Variants in YME1L1 observed in about 807,000 individuals in gnomAD.
YME1L1 encodes the protein YME1 like 1 ATPase, also known as ATP-dependent zinc metalloprotease YME1L1.
A neutral mutation model predicts 90.4 loss-of-function variants in YME1L1; 39 were observed. The ratio of observed to expected loss-of-function variants is 0.43; its 90% confidence interval spans 0.33 to 0.56. YME1L1 has a LOEUF of 0.56. YME1L1 is among the 20% of genes least tolerant of loss of function. YME1L1 has a pLI of 0.03. For synonymous variants in YME1L1, 284 were observed against 287.3 expected, an observed-to-expected ratio of 0.99 and a Z score of 0.12; for missense variants, 617 against 868.4, an observed-to-expected ratio of 0.71 and a Z score of 3.64.
intron 4 of YME1L1, among the ~76,000 whole-genome samples, chr10:27,138,410 T>C (rs2057051553): frequency 6.6e-6 from 1 of 152,182 alleles, no homozygotes; most frequent in Admixed American, 6.5e-5. Flanking sequence ...AATTTGGGTG[T>C]AAATTGATAC....
intron 1 of YME1L1, chr10:27,153,244 C>A (rs1409220092): frequency 4.3e-6 from 2 of 470,556 alleles, no homozygotes; most frequent in South Asian, 1.5e-5. Flanking sequence ...ATAACTGATG[C>A]CCAATAACAA....
intron 1 of YME1L1, among the ~76,000 whole-genome samples, chr10:27,151,182 A>T (rs1372368747): frequency 1.3e-5 from 2 of 152,032 alleles, no homozygotes; most frequent in Non-Finnish European, 2.9e-5. Context: ...TCTGCCTCCC[A>T]AAGTGCTGGG....
rs2057288171 is a variant in YME1L1 at position 27,154,381 on chromosome 10, A to G, written c.-171T>C. 5.3e-6 allele frequency: 4 copies of G among 755,124 alleles called. No homozygotes were observed. Among genetic ancestry groups the G allele is most frequent in the Non-Finnish European group, 6.4e-6 (3 of 470,926 alleles). 46.8% of individuals were successfully genotyped at this position (755,124 alleles called of 1,614,324 possible). On this transcript the variant is annotated 5_prime_UTR_variant, in exon 1 of 19. Transcript: ENST00000376016. Reference sequence around the variant, plus strand: ...CCCTTCCTACAGCTACTGCAACGACAGACAATCCGCCCCGGAAGGCGAGGC... The same window carrying G: ...CCCTTCCTACAGCTACTGCAACGACGGACAATCCGCCCCGGAAGGCGAGGC...
rs1043167621 is a variant in YME1L1 at position 27,115,962 on chromosome 10, G to A, written c.1920+98C>T. 10 of 1,108,554 alleles carry A rather than the reference G, an allele frequency of 9.0e-6. No homozygotes were observed. In the Admixed American group the frequency reaches 1.9e-4, roughly 21 times the overall value. 68.7% of individuals were successfully genotyped at this position (1,108,554 alleles called of 1,614,324 possible). Reference sequence around the variant, plus strand: ...AGCCTCAAATCCATTTGGAGTGAGAGAAAAAGTGAATATTACCAATTTATA... The same window carrying A: ...AGCCTCAAATCCATTTGGAGTGAGAAAAAAAGTGAATATTACCAATTTATA... On this transcript the variant is annotated intron_variant, in intron 17 of 18. Coordinates refer to ENST00000376016, the MANE Select transcript of YME1L1 (RefSeq NM_014263.4).
rs200189706 is a variant in YME1L1 at position 27,122,584 on chromosome 10, G to C, written c.1235+257C>G. ...CATAAGTGTAACAATAAATGAGAAAGGATATAAATACCATAAATTAAATAA... is the reference window on the plus strand; with the variant it reads ...CATAAGTGTAACAATAAATGAGAAACGATATAAATACCATAAATTAAATAA... On this transcript the variant is annotated intron_variant, in intron 11 of 18. Transcript: ENST00000376016. 2.0e-5 allele frequency among the ~76,000 whole-genome samples: 3 copies of C among 152,092 alleles called. No homozygotes were observed. The East Asian group carries it at 5.8e-4, about 29-fold the overall frequency.
At chr10:27,118,370 T>C (rs966176940) in intron 14 of YME1L1, among the ~76,000 whole-genome samples, 5 of 150,788 alleles carry the variant, frequency 3.3e-5, no homozygotes, top group African/African-American at 1.2e-4. Flanking sequence ...TAGCTTTAAC[T>C]TCTTGGACTT....
In YME1L1 at chr10:27,148,925, T is replaced by A. The variant is rs1358525051; in HGVS notation, c.149A>T (p.His50Leu). ...ACTTACCTCACTGCTGGGAGCCTCA[T>A]GCTCAGGAACTACATCTCGATGCTG... ...QNQHRDVVPE[H>L]EAPSSEPSLN... Residue 50 changes from histidine to leucine, a missense_variant, in exon 2 of 19, where the codon CAT (histidine) becomes CTT (leucine). By Grantham distance (99) the His-to-Leu change is moderately conservative. This residue lies in a region of YME1L1 where 311 missense variants were observed against 335.8 expected (regional missense o/e 0.93). Transcript: ENST00000376016. The A allele has an allele frequency of 6.2e-7, 1 of 1,613,970 alleles. No individual in the cohort carries two copies. The highest frequency in any genetic ancestry group is 1.1e-5 in the South Asian group (1 of 91,040).
chr10:27,134,740 G>A, intron 6 of YME1L1, 91 bp downstream of exon 6: 1 of 1,301,226 alleles, frequency 7.7e-7, no homozygotes, highest in Non-Finnish European at 1.1e-6. Context: ...TCAATAGATG[G>A]TCTTAGAAAA....
intron 1 of YME1L1, chr10:27,153,079 T>C (rs2057245586): frequency 2.4e-6 from 1 of 420,416 alleles, no homozygotes; most frequent in Non-Finnish European, 4.8e-6. Context: ...TTTTTGTTCC[T>C]TCAACCTGCT....
In YME1L1 at chr10:27,111,054, A is replaced by T. The variant is rs2056754418; in HGVS notation, c.*923T>A. On this transcript the variant is annotated 3_prime_UTR_variant, in exon 19 of 19. Transcript: ENST00000376016. ...CCTGGCTATTTTTTTTTGTATTTAAATTTATTTTAATTTTTTTTTGAGGCA... is the reference window on the plus strand; with the variant it reads ...CCTGGCTATTTTTTTTTGTATTTAATTTTATTTTAATTTTTTTTTGAGGCA... 1 of 150,850 alleles carries T rather than the reference A, an allele frequency of 6.6e-6. No homozygotes were observed. Among genetic ancestry groups the T allele is most frequent in the Admixed American group, 6.6e-5 (1 of 15,104 alleles). The allele number at this position is 150,850 out of a possible 1,614,324, so 9.3% of individuals were successfully genotyped here.
intron 4 of YME1L1, 93 bp from the exon 5 acceptor site, chr10:27,136,478 T>C (rs749209994): frequency 1.7e-5 from 17 of 973,962 alleles, no homozygotes; most frequent in Non-Finnish European, 2.5e-5. Context: ...TACCTGTATA[T>C]CCTAGTCTAT....
chr10:27,154,327 C>G lies in YME1L1; in HGVS notation c.-117G>C. The G allele has an allele frequency of 7.1e-6, 9 of 1,269,852 alleles. No individual in the cohort carries two copies. In the South Asian group the frequency reaches 1.2e-4, roughly 18 times the overall value. The allele number at this position is 1,269,852 out of a possible 1,614,324, so 78.7% of individuals were successfully genotyped here. A position where few individuals can be genotyped will look rare whatever the true frequency, so the allele number is the denominator to read the frequency against. On this transcript the variant is annotated 5_prime_UTR_variant, in exon 1 of 19. Coordinates refer to ENST00000376016, the MANE Select transcript of YME1L1 (RefSeq NM_014263.4). Reference sequence around the variant, plus strand: ...CCTTTTTCTCCGACCCGTTGCCCCTCACTCCTCCCAGAAACGGAAAATGGC... The same window carrying G: ...CCTTTTTCTCCGACCCGTTGCCCCTGACTCCTCCCAGAAACGGAAAATGGC...
In YME1L1 at chr10:27,147,605, C is replaced by T. The variant is rs374585767; in HGVS notation, c.168+1301G>A. On this transcript the variant is annotated intron_variant, in intron 2 of 18. Coordinates refer to ENST00000376016, the MANE Select transcript of YME1L1 (RefSeq NM_014263.4). ...TCCATGAACATGGATCTGTACCCTTCGAATATTTTTCCTTTGCCAATTGAA... is the reference window on the plus strand; with the variant it reads ...TCCATGAACATGGATCTGTACCCTTTGAATATTTTTCCTTTGCCAATTGAA... 1.9e-6 allele frequency: 3 copies of T among 1,566,152 alleles called. No individual in the cohort carries two copies. The highest frequency in any genetic ancestry group is 4.8e-5 in the East Asian group (2 of 41,916).
intron 13 of YME1L1, among the ~76,000 whole-genome samples, chr10:27,120,226 C>T (rs976917751): frequency 6.6e-6 from 1 of 151,828 alleles, no homozygotes; most frequent in Non-Finnish European, 1.5e-5. Context: ...TCTAAAAAAA[C>T]CTTTCTTTAG....
chr10:27,126,109 A>G, intron 9 of YME1L1, among the ~76,000 whole-genome samples: 1 of 152,210 alleles, frequency 6.6e-6, no homozygotes, highest in East Asian at 1.9e-4. Context: ...AATAATTTTT[A>G]TATTTATATA....
At chr10:27,139,666 G>A (rs1289640361) in intron 4 of YME1L1, among the ~76,000 whole-genome samples, 1 of 147,518 alleles carries the variant, frequency 6.8e-6, no homozygotes, top group Admixed American at 7.0e-5. Context: ...AAACTTCATG[G>A]TTATTATCCT....
intron 7 of YME1L1, among the ~76,000 whole-genome samples, chr10:27,133,263 T>C (rs1477022812): frequency 1.4e-5 from 2 of 147,456 alleles, no homozygotes; most frequent in African/African-American, 4.9e-5. Context: ...AAAAGTCTGA[T>C]AGGAGAGTAA....
At chr10:27,122,316 T>C (rs1437567025) in intron 11 of YME1L1, among the ~76,000 whole-genome samples, 1 of 152,196 alleles carries the variant, frequency 6.6e-6, no homozygotes, top group African/African-American at 2.4e-5. Context: ...TTTTGAAAAA[T>C]TACTTTCAAG....
chr10:27,143,914 T>A (rs2057116488), intron 3 of YME1L1, among the ~76,000 whole-genome samples: 1 of 152,176 alleles, frequency 6.6e-6, no homozygotes, highest in African/African-American at 2.4e-5. Context: ...ACTTCACTGA[T>A]CCTTCCTAAC....
Sources: allele counts gnomAD v4.1 joint callset (sites outside exome capture counted in the v4.1 genomes callset), GRCh38; gene constraint gnomAD v4.1.1; regional missense constraint gnomAD v4.1.1; transcripts MANE v1.5; gene names NCBI Gene and HGNC (gene_info 2026-07-23, HGNC 2026-07-21).